DCTN1: variants seen among roughly 807,000 people sequenced by gnomAD.
DCTN1 encodes the protein dynactin subunit 1.
DCTN1 carries 61 observed loss-of-function variants against 161.2 expected under a neutral mutation model. The observed-to-expected ratio is 0.38, with a 90% CI of 0.31 to 0.47. The LOEUF (loss-of-function observed/expected upper bound fraction) is 0.47, where lower values mean the gene tolerates loss of function less well. DCTN1 is among the 20% of genes least tolerant of loss of function. The pLI, the probability that DCTN1 is intolerant of heterozygous loss-of-function variation, is 0.99. For synonymous variants in DCTN1, 653 were observed against 632.4 expected (o/e 1.03, Z -0.49); for missense variants, 1,404 against 1,623.7 (o/e 0.86, Z 2.33).
At chr2:74,389,674 T>G (rs181585557) in intron 1 of DCTN1, among the ~76,000 whole-genome samples, 2 of 152,358 alleles carry the variant, frequency 1.3e-5, no homozygotes, top group East Asian at 1.9e-4. Flanking sequence ...TACTTCAGTC[T>G]GCCATGTAAT....
intron 7 of DCTN1, chr2:74,371,935 CAG>C: frequency 1.7e-6 from 1 of 576,242 alleles, no homozygotes; most frequent in South Asian, 2.0e-5. Context: ...TGACAAAGGA[CAG>C]GGGGAGGATG....
chr2:74,362,956 G>C, intron 29 of DCTN1, 38 bp downstream of exon 29: 2 of 1,602,668 alleles, frequency 1.2e-6, no homozygotes, highest in Non-Finnish European at 1.7e-6. Flanking sequence ...AAGTGGAGGG[G>C]GCAGTTTTAT....
At chr2:74,388,118 C>A (rs548346280) in intron 1 of DCTN1, among the ~76,000 whole-genome samples, 7 of 152,160 alleles carry the variant, frequency 4.6e-5, no homozygotes, top group African/African-American at 1.7e-4. Context: ...AGCTATAGTC[C>A]CAACTACTCA....
chr2:74,373,536 CG>C (rs1165580900), intron 6 of DCTN1, among the ~76,000 whole-genome samples: 1 of 152,132 alleles, frequency 6.6e-6, no homozygotes, highest in Non-Finnish European at 1.5e-5. Flanking sequence ...GCAGCAGTCC[CG>C]ATCACTAGGG....
chr2:74,366,198 T>C (rs916304569), intron 23 of DCTN1, 46 bp downstream of exon 23: 1 of 1,613,458 alleles, frequency 6.2e-7, no homozygotes, highest in South Asian at 1.1e-5. Context: ...CTGCAAGTCT[T>C]ACTCCTACAG....
chr2:74,365,331 C>T, intron 25 of DCTN1, 90 bp from the exon 26 acceptor site: 12 of 1,572,900 alleles, frequency 7.6e-6, no homozygotes, highest in Non-Finnish European at 9.5e-6. Context: ...AATAGCCCTG[C>T]CAGTGAGAAG....
At chr2:74,376,162 G>T (rs1558947468) in intron 5 of DCTN1, among the ~76,000 whole-genome samples, 1 of 150,036 alleles carries the variant, frequency 6.7e-6, no homozygotes, top group Non-Finnish European at 1.5e-5. Context: ...TAGGAGGTAG[G>T]CCTCAGGCAC....
At position 74,366,233 on chromosome 2, in the gene DCTN1, T is replaced by C; in HGVS notation, c.2760+11A>G. 6.2e-7 allele frequency: 1 copy of C among 1,613,982 alleles called. No homozygotes were observed. On this transcript the variant is annotated intron_variant, in intron 23 of 31. Coordinates refer to ENST00000628224, the MANE Select transcript of DCTN1 (RefSeq NM_004082.5). The stretch of plus-strand genomic sequence containing the variant: ...GGCCTCTGCAACTTCTCCAAGGAAA[T>C]CTCCACCTACCTTGCTGGGGGGCCG...
rs1442543560 is a variant in DCTN1 at position 74,362,106 on chromosome 2, A to G, written c.3645T>C (p.Pro1215=). 2 of 1,613,698 alleles carry G rather than the reference A, an allele frequency of 1.2e-6. No homozygotes were observed. Among genetic ancestry groups the G allele is most frequent in the Admixed American group, 1.7e-5 (1 of 59,990 alleles). Residue 1215 remains proline, a synonymous_variant, in exon 31 of 32, where the codon CCT becomes CCC. Coordinates refer to ENST00000628224, the MANE Select transcript of DCTN1 (RefSeq NM_004082.5). ...CAAAGTCAGTGGGTACTGTGGCTCCAGGGCGCTGAGATACTGTCTCCTTGA... is the reference window on the plus strand; with the variant it reads ...CAAAGTCAGTGGGTACTGTGGCTCCGGGGCGCTGAGATACTGTCTCCTTGA... ...EVLKETVSQR[P]GATVPTDFAT...
intron 5 of DCTN1, chr2:74,374,551 C>A: frequency 7.3e-7 from 1 of 1,370,108 alleles, no homozygotes. Context: ...AGCCTGCAAA[C>A]GGCCGCCGCT....
In DCTN1 at chr2:74,370,520, T is replaced by A; in HGVS notation, c.1073A>T (p.Tyr358Phe). 1 of 1,614,188 alleles carries A rather than the reference T, an allele frequency of 6.2e-7. No homozygotes were observed. Among genetic ancestry groups the A allele is most frequent in the African/African-American group, 1.3e-5 (1 of 75,062 alleles). The change falls in exon 11 of 32, where the codon TAT becomes TTT. Residue 358 changes from tyrosine to phenylalanine, a missense_variant. By Grantham distance (22) the Tyr-to-Phe change is conservative. Around this residue, in one of 9 missense-constraint regions of DCTN1, gnomAD observed 278 missense variants for 363.8 expected, o/e 0.76. Coordinates refer to ENST00000628224, the MANE Select transcript of DCTN1 (RefSeq NM_004082.5). This position sits in a 1 kb window ranked among gnomAD's most constrained non-coding sequence, Gnocchi z 4.4. ...EKGSDGAASS[Y>F]QLKQLEEQNA... is the part of the protein sequence containing the mutation. ...CTGCTCCTCAAGCTGCTTGAGCTGA[T>A]AACTGGATGCAGCGCCATCTGAGCC... is the stretch of plus-strand genomic sequence containing the variant.
At chr2:74,362,204 C>A in intron 30 of DCTN1, 63 bp from the exon 31 acceptor site, 1 of 1,472,074 alleles carries the variant, frequency 6.8e-7, no homozygotes, top group South Asian at 1.1e-5. Flanking sequence ...AGCACAAGAC[C>A]ACGTGGTTTC....
At chr2:74,366,402 A>C in intron 22 of DCTN1, 27 bp from the exon 23 acceptor site, 2 of 1,614,194 alleles carry the variant, frequency 1.2e-6, no homozygotes, top group Non-Finnish European at 1.7e-6. Flanking sequence ...CAGAAGTAAA[A>C]GCCCCACACT....
At chr2:74,382,854 T>C (rs1675569718), upstream of DCTN1, among the ~76,000 whole-genome samples, 1 of 151,042 alleles carries the variant, frequency 6.6e-6, no homozygotes, top group African/African-American at 2.4e-5. Flanking sequence ...GGGTGGATCA[T>C]GAGGTCAGGA....
At chr2:74,363,727 C>T in intron 26 of DCTN1, 99 bp from the exon 27 acceptor site, 1 of 1,497,988 alleles carries the variant, frequency 6.7e-7, no homozygotes, top group Non-Finnish European at 9.2e-7. Context: ...CTGGACACAA[C>T]CTGCAGGAAA....
chr2:74,368,648 G>T, intron 16 of DCTN1, 80 bp downstream of exon 16: 1 of 1,596,936 alleles, frequency 6.3e-7, no homozygotes, highest in Non-Finnish European at 8.6e-7. Flanking sequence ...AGACTCTGTT[G>T]TCTTCACTCA....
Position 74,371,320 on chromosome 2 carries a change from A to G in DCTN1, c.646-144T>C, listed in dbSNP as rs1674825725. The G allele has an allele frequency of 1.9e-6, 3 of 1,559,238 alleles. No individual in the cohort carries two copies. In the East Asian group the frequency reaches 6.7e-5, roughly 35 times the overall value. ...AGTCAGTGGCATAAGAACATCTGAG[A>G]GGAAACCGTAGCACAGTATATATGG... On this transcript the variant is annotated intron_variant, in intron 8 of 31. Transcript: ENST00000628224.
chr2:74,361,911 G>C, intron 31 of DCTN1, 141 bp downstream of exon 31: 1 of 914,440 alleles, frequency 1.1e-6, no homozygotes, highest in South Asian at 1.4e-5. Flanking sequence ...TGAGTTACTT[G>C]TAAGTAAAAT....
At chr2:74,376,650 CACAT>C in intron 5 of DCTN1, 88 bp downstream of exon 5, 1 of 1,256,906 alleles carries the variant, frequency 8.0e-7, no homozygotes, top group Non-Finnish European at 1.1e-6. Context: ...AGGTCACACA[CACAT>C]GCATGCAGCA....
Sources: gnomAD v4.1 joint callset for allele counts (sites outside exome capture counted in the v4.1 genomes callset) on GRCh38, gnomAD v4.1.1 for gene constraint, gnomAD v4.1.1 regional missense constraint, Gnocchi (gnomAD v3.1) non-coding constraint, MANE v1.5 for transcripts, NCBI Gene and HGNC (gene_info 2026-07-23, HGNC 2026-07-21) for gene names.